FBXL13: variants seen among roughly 807,000 people sequenced by gnomAD.
FBXL13 encodes the protein F-box and leucine rich repeat protein 13.
Under a neutral mutation model 83.6 loss-of-function variants are expected in FBXL13, and 67 were observed. The observed-to-expected ratio is 0.80, with a 90% CI of 0.66 to 0.98. FBXL13 has a LOEUF of 0.98. Among genes scored for constraint, FBXL13 ranks in the 50% least tolerant of loss-of-function variants. The pLI, the probability that FBXL13 is intolerant of heterozygous loss-of-function variation, is 0.00. For missense variants in FBXL13, 822 were observed against 866.5 expected, an observed-to-expected ratio of 0.95 and a Z score of 0.64; for synonymous variants, 272 against 299.5, an observed-to-expected ratio of 0.91 and a Z score of 0.95.
chr7:103,049,017 A>C (rs1020129385), intron 2 of FBXL13, among the ~76,000 whole-genome samples: 1 of 152,176 alleles, frequency 6.6e-6, no homozygotes, highest in Non-Finnish European at 1.5e-5. Flanking sequence ...TTCTTTTATG[A>C]ATCCTTTCAC....
At chr7:103,027,619 C>A in intron 4 of FBXL13, 61 bp from the exon 6 acceptor site, 1 of 1,093,408 alleles carries the variant, frequency 9.1e-7, no homozygotes, top group Non-Finnish European at 1.3e-6. Flanking sequence ...CCAAAAAACA[C>A]AAAGTGATTT....
chr7:102,957,212 G>T (rs766651186), intron 8 of FBXL13, among the ~76,000 whole-genome samples: 1 of 152,060 alleles, frequency 6.6e-6, no homozygotes, highest in East Asian at 1.9e-4. Flanking sequence ...ACAGAACAGA[G>T]GCCTCAGAAA....
Position 102,874,290 on chromosome 7 carries a change from C to T in FBXL13, c.1635+3177G>A, listed in dbSNP as rs140927940. 163 of 972,708 alleles carry T rather than the reference C, an allele frequency of 1.7e-4. No individual in the cohort carries two copies. In the African/African-American group the frequency reaches 2.2e-3, roughly 13 times the overall value. 60.3% of individuals were successfully genotyped at this position (972,708 alleles called of 1,614,324 possible). A position where few individuals can be genotyped will look rare whatever the true frequency, so the allele number is the denominator to read the frequency against. On this transcript the variant is annotated intron_variant, in intron 16 of 19. Coordinates refer to ENST00000313221, the Ensembl canonical transcript of FBXL13. ...GTGTTTAGCTGCCCAAGTTGACATC[C>T]GGGCTGACTCATTTTAACTTCACTG... is the stretch of plus-strand genomic sequence containing the variant.
chr7:102,917,579 G>C (rs192570219), intron 10 of FBXL13, among the ~76,000 whole-genome samples: 2 of 152,312 alleles, frequency 1.3e-5, no homozygotes, highest in East Asian at 3.9e-4. Flanking sequence ...TGCAGCTATA[G>C]AGAATGTGAA....
At chr7:102,994,083 T>C (rs1026591063) in intron 6 of FBXL13, among the ~76,000 whole-genome samples, 17 of 152,304 alleles carry the variant, frequency 1.1e-4, no homozygotes, top group Non-Finnish European at 2.2e-4. Context: ...AAAAATTAAC[T>C]TTGCAAATCT....
At chr7:102,909,354 A>T (rs1464539462) in intron 11 of FBXL13, among the ~76,000 whole-genome samples, 1 of 152,060 alleles carries the variant, frequency 6.6e-6, no homozygotes, top group Non-Finnish European at 1.5e-5. Flanking sequence ...CAAGTCCTGG[A>T]ATCGCGGACC....
chr7:102,937,817 A>G (rs1358537592), intron 8 of FBXL13, among the ~76,000 whole-genome samples: 3 of 152,234 alleles, frequency 2.0e-5, no homozygotes, highest in Non-Finnish European at 2.9e-5. Flanking sequence ...TCATGGCTAG[A>G]ATTGAAGTGT....
At chr7:102,837,404 A>G (rs1802185116) in intron 17 of FBXL13, among the ~76,000 whole-genome samples, 1 of 152,198 alleles carries the variant, frequency 6.6e-6, no homozygotes, top group Non-Finnish European at 1.5e-5. Flanking sequence ...GACCAAAACA[A>G]ATATTTCCAA....
At chr7:103,003,278 G>GTTTTTTTTTTTTTTTTTTTTTT (rs563726626) in intron 6 of FBXL13, among the ~76,000 whole-genome samples, 1 of 75,916 alleles carries the variant, frequency 1.3e-5, no homozygotes, top group African/African-American at 6.5e-5. Context: ...TTGTTTTGGG[G>GTTTTTTTTTTTTTTTTTTTTTT]TTTTTTTTTT....
At chr7:102,977,072 G>A (rs1318812356) in intron 6 of FBXL13, among the ~76,000 whole-genome samples, 1 of 152,158 alleles carries the variant, frequency 6.6e-6, no homozygotes, top group Non-Finnish European at 1.5e-5. Flanking sequence ...CTTAAACAGA[G>A]AAAAACGATC....
chr7:102,854,596 A>C (rs2129451478), intron 17 of FBXL13, among the ~76,000 whole-genome samples, 181 bp downstream of exon 18: 1 of 152,348 alleles, frequency 6.6e-6, no homozygotes, highest in East Asian at 1.9e-4. Flanking sequence ...TGTTGTTTTT[A>C]AGCTTTATTT....
intron 2 of FBXL13, among the ~76,000 whole-genome samples, chr7:103,051,149 T>A (rs1796772724): frequency 6.6e-6 from 1 of 152,328 alleles, no homozygotes; most frequent in East Asian, 1.9e-4. Context: ...GGTCTCTTGA[T>A]TAACTGAGCC....
chr7:102,877,511 A>G (rs745761371), exon 16 of FBXL13: 22 of 1,611,130 alleles, frequency 1.4e-5, no homozygotes, highest in Non-Finnish European at 1.8e-5. Flanking sequence ...GATACCAAGG[A>G]AAAGATGTTT....
intron 4 of FBXL13, among the ~76,000 whole-genome samples, chr7:103,027,907 T>A (rs1015624255): frequency 6.6e-6 from 1 of 152,236 alleles, no homozygotes; most frequent in Non-Finnish European, 1.5e-5. Flanking sequence ...TTAGATCCAA[T>A]GCCTTTGAAT....
chr7:102,967,426 C>T (rs1826099811), intron 7 of FBXL13, among the ~76,000 whole-genome samples: 3 of 152,202 alleles, frequency 2.0e-5, no homozygotes, highest in Admixed American at 2.0e-4. Context: ...GCACCTGCCA[C>T]CATGCCTAGC....
At chr7:102,845,513 T>C (rs1379540216) in intron 17 of FBXL13, among the ~76,000 whole-genome samples, 1 of 152,174 alleles carries the variant, frequency 6.6e-6, no homozygotes, top group Non-Finnish European at 1.5e-5. Flanking sequence ...TGGTAGTTCA[T>C]AGGGCTTGAA....
chr7:103,017,400 T>C (rs1792485847), intron 6 of FBXL13, among the ~76,000 whole-genome samples: 1 of 151,660 alleles, frequency 6.6e-6, no homozygotes, highest in Admixed American at 6.6e-5. Context: ...AAGCTGAAAA[T>C]TCTAAAAATC....
At chr7:103,063,566 C>T (rs534634142) in intron 1 of FBXL13, among the ~76,000 whole-genome samples, 3 of 152,124 alleles carry the variant, frequency 2.0e-5, no homozygotes, top group Non-Finnish European at 4.4e-5. Context: ...TTCTCTTTCA[C>T]AATGGCTCTT....
chr7:102,875,903 G>A (rs2129457683), intron 16 of FBXL13, among the ~76,000 whole-genome samples: 1 of 152,252 alleles, frequency 6.6e-6, no homozygotes, highest in East Asian at 1.9e-4. Flanking sequence ...TGCAGCTGAT[G>A]ATGATGATGC....
Sources: allele counts gnomAD v4.1 joint callset (sites outside exome capture counted in the v4.1 genomes callset), GRCh38; gene constraint gnomAD v4.1.1; transcripts MANE v1.5; gene names NCBI Gene and HGNC (gene_info 2026-07-23, HGNC 2026-07-21).